Variants in TRAPPC2L observed in about 807,000 individuals in gnomAD.
The protein encoded by TRAPPC2L is trafficking protein particle complex subunit 2-like protein.
Under a neutral mutation model 13.2 loss-of-function variants are expected in TRAPPC2L, and 17 were observed. That is an observed-to-expected ratio of 1.29 (90% CI 0.88 to 1.93). The LOEUF (loss-of-function observed/expected upper bound fraction) is 1.93, where lower values mean the gene tolerates loss of function less well. Among genes scored for constraint, TRAPPC2L ranks in the 30% most tolerant of loss-of-function variants. The pLI is 0.00. For synonymous variants in TRAPPC2L, 150 were observed against 98.1 expected (o/e 1.53, Z -3.12); for missense variants, 359 against 252.1 (o/e 1.42, Z -2.87).
exon 4 of TRAPPC2L, chr16:88,860,174 A>C: frequency 1.4e-6 from 1 of 710,690 alleles, no homozygotes; most frequent in Non-Finnish European, 2.5e-6. Flanking sequence ...CAGCGCATAA[A>C]GTGGATAGAG....
At chr16:88,858,765 G>C (rs762353553) in exon 2 of TRAPPC2L, 4 of 1,613,300 alleles carry the variant, frequency 2.5e-6, no homozygotes, top group African/African-American at 2.7e-5. Flanking sequence ...ACCTGGGCCT[G>C]CTCTACCCCA....
At chr16:88,856,812 C>A (rs1427287935), upstream of TRAPPC2L, 3 of 1,536,904 alleles carry the variant, frequency 2.0e-6, no homozygotes, top group African/African-American at 2.8e-5. Context: ...CCGAGGCCCC[C>A]ATCCCCGCGG....
intron 1 of TRAPPC2L, among the ~76,000 whole-genome samples, chr16:88,857,938 G>C (rs1287881269): frequency 2.6e-5 from 4 of 152,218 alleles, no homozygotes; most frequent in Non-Finnish European, 5.9e-5. Flanking sequence ...GCTCCCTGCT[G>C]GGCGGTGGCT....
intron 2 of TRAPPC2L, chr16:88,859,407 GGA>G (rs1567556034): frequency 1.4e-6 from 1 of 699,166 alleles, no homozygotes; most frequent in Non-Finnish European, 2.6e-6. Context: ...AGACAGACTC[GGA>G]GTCTAGGTGG....
At chr16:88,857,844 CTG>C (rs1968066897) in intron 1 of TRAPPC2L, among the ~76,000 whole-genome samples, 1 of 152,248 alleles carries the variant, frequency 6.6e-6, no homozygotes, top group African/African-American at 2.4e-5. Flanking sequence ...AAGGCTAAGA[CTG>C]AGCTGGGTGG....
upstream of TRAPPC2L, chr16:88,856,737 C>A (rs921805974): frequency 5.4e-6 from 8 of 1,471,040 alleles, no homozygotes; most frequent in Non-Finnish European, 7.3e-6. Context: ...GGCCCTGCCC[C>A]GTCCCACCGC....
rs1295092098 is a variant in TRAPPC2L at position 88,859,647 on chromosome 16, C to T, written c.207-16C>T. 2 of 1,613,500 alleles carry T rather than the reference C, an allele frequency of 1.2e-6. No individual in the cohort carries two copies. The highest frequency in any genetic ancestry group is 1.7e-5 in the Admixed American group (1 of 60,036). On this transcript the variant is annotated splice_polypyrimidine_tract_variant and intron_variant, in intron 2 of 3. Transcript: ENST00000565504. ...AGTCCCTGTGTTACGAGTGCCTTCC[C>T]TAACCAGCTGTGCAGATACGGCTAC...
exon 4 of TRAPPC2L, chr16:88,860,099 C>A: frequency 2.2e-6 from 2 of 894,384 alleles, no homozygotes; most frequent in Non-Finnish European, 3.6e-6. Context: ...AGCACCATCC[C>A]CCTAGGGCAG....
intron 2 of TRAPPC2L, chr16:88,859,130 G>A (rs1968197204): frequency 2.3e-6 from 1 of 440,634 alleles, no homozygotes; most frequent in South Asian, 2.1e-5. Context: ...GGGGATAATA[G>A]TTTCATTTAT....
chr16:88,856,926 G>C (rs761795179), upstream of TRAPPC2L: 354 of 1,479,666 alleles, frequency 2.4e-4, 1 homozygote, highest in Non-Finnish European at 2.9e-4. Context: ...GACCTAGCGA[G>C]CGTCCGCCGG....
At chr16:88,860,276 A>G in exon 4 of TRAPPC2L, 1 of 701,402 alleles carries the variant, frequency 1.4e-6, no homozygotes, top group Non-Finnish European at 2.6e-6. Context: ...AGGGCCAAGC[A>G]CATGGGCAGT....
At chr16:88,860,466 AG>A in exon 4 of TRAPPC2L, 1 of 603,456 alleles carries the variant, frequency 1.7e-6, no homozygotes, top group Non-Finnish European at 2.9e-6. Context: ...GCTTTCAGTG[AG>A]TCCCCAGTTC....
chr16:88,857,143 C>G, exon 1 of TRAPPC2L: 5 of 1,578,050 alleles, frequency 3.2e-6, no homozygotes, highest in African/African-American at 2.7e-5. Flanking sequence ...GGCGCCGAGC[C>G]TCCCAAGATG....
chr16:88,859,316 C>T (rs569050443), intron 2 of TRAPPC2L: 1 of 648,846 alleles, frequency 1.5e-6, no homozygotes, highest in Admixed American at 2.1e-5. Context: ...AGGGGATCCG[C>T]CTTGTTCACG....
intron 2 of TRAPPC2L, 170 bp from the exon 3 acceptor site, chr16:88,859,493 G>T: frequency 1.4e-6 from 1 of 740,170 alleles, no homozygotes; most frequent in Non-Finnish European, 2.4e-6. Flanking sequence ...ACCAGACGTC[G>T]CCCTAGCAAA....
upstream of TRAPPC2L, chr16:88,856,927 C>G: frequency 6.8e-7 from 1 of 1,478,186 alleles, no homozygotes; most frequent in Non-Finnish European, 8.9e-7. Flanking sequence ...ACCTAGCGAG[C>G]GTCCGCCGGC....
rs1002078643 is a variant in TRAPPC2L, at chr16:88,861,134, G to A, written c.*810G>A. The stretch of plus-strand genomic sequence containing the variant: ...AGGAGATTTGGCTTTTTCCTTCCGT[G>A]TCAGCCAAGGATTTAATTAAGAAGA... On this transcript the variant is annotated 3_prime_UTR_variant, in exon 4 of 4. Transcript: ENST00000565504. 3 of 633,720 alleles carry A rather than the reference G, an allele frequency of 4.7e-6. No homozygotes were observed. In the African/African-American group the frequency reaches 5.5e-5, roughly 12 times the overall value. 39.3% of individuals were successfully genotyped at this position (633,720 alleles called of 1,614,324 possible).
chr16:88,858,854 C>A (rs1968177950), intron 2 of TRAPPC2L, 63 bp downstream of exon 2: 10 of 1,529,372 alleles, frequency 6.5e-6, no homozygotes, highest in Non-Finnish European at 8.8e-6. Flanking sequence ...ACTTTAGGAT[C>A]AGATAACTTG....
chr16:88,860,838 A>T, exon 4 of TRAPPC2L: 1 of 1,498,864 alleles, frequency 6.7e-7, no homozygotes, highest in African/African-American at 1.4e-5. Flanking sequence ...GGATGGAGCC[A>T]TGCTGCCCGG....
Sources: allele counts gnomAD v4.1 joint callset (sites outside exome capture counted in the v4.1 genomes callset), GRCh38; gene constraint gnomAD v4.1.1; transcripts MANE v1.5; gene names NCBI Gene and HGNC (gene_info 2026-07-23, HGNC 2026-07-21).